WWOX: variants seen among roughly 807,000 people sequenced by gnomAD.
WWOX encodes WW domain containing oxidoreductase.
WWOX carries 69 observed loss-of-function variants against 46.2 expected under a neutral mutation model. The ratio of observed to expected loss-of-function variants is 1.49; its 90% CI spans 1.23 to 1.82. The LOEUF is 1.82. Among genes scored for constraint, WWOX ranks in the 40% most tolerant of loss-of-function variants. The pLI is 0.00. For missense variants in WWOX, 919 were observed against 542.6 expected (o/e 1.69, Z -6.89); for synonymous variants, 359 against 202.6 (o/e 1.77, Z -6.56).
rs55868800 is a variant in WWOX, at chr16:78,183,883, G to A, written c.516+19594G>A. On this transcript the variant is annotated intron_variant, in intron 5 of 8. Transcript: ENST00000566780. Reference sequence around the variant, plus strand: ...TGTTGGATTTTGTAGGATGGTGACCGTTTACAGAAACCTCTGGTCCGTGAG... The same window carrying A: ...TGTTGGATTTTGTAGGATGGTGACCATTTACAGAAACCTCTGGTCCGTGAG... Among the ~76,000 whole-genome samples, 1,284 of 152,278 alleles carry A rather than the reference G, an allele frequency of 8.4e-3. 21 individuals carry two copies. Among genetic ancestry groups the A allele is most frequent in the African/African-American group, 0.029 (1,215 of 41,548 alleles).
intron 8 of WWOX, among the ~76,000 whole-genome samples, chr16:78,531,210 C>G (rs1350348285): frequency 6.6e-6 from 1 of 152,206 alleles, no homozygotes; most frequent in African/African-American, 2.4e-5. Context: ...AGCGTGAATG[C>G]AGACTCTTAC....
chr16:78,797,447 A>G lies in WWOX; in HGVS notation c.1056+364695A>G, dbSNP rs1442946419. On this transcript the variant is annotated intron_variant, in intron 8 of 8. Coordinates refer to ENST00000566780, the MANE Select transcript of WWOX (RefSeq NM_016373.4). ...TTGTAGTCATTTCCCCAAATGCCTA[A>G]AGTAGACCCATTCCCATTGCTCTAA... Among the ~76,000 whole-genome samples, 3 of 151,872 alleles carry G rather than the reference A, an allele frequency of 2.0e-5. No homozygotes were observed. The East Asian group carries it at 5.8e-4, about 29-fold the overall frequency.
At chr16:79,071,230 T>C (rs1388642390) in intron 8 of WWOX, among the ~76,000 whole-genome samples, 1 of 152,238 alleles carries the variant, frequency 6.6e-6, no homozygotes, top group Non-Finnish European at 1.5e-5. Flanking sequence ...ATTGTACTCC[T>C]CTCCTAAGAG....
At chr16:78,234,492 T>C (rs1309748718) in intron 5 of WWOX, among the ~76,000 whole-genome samples, 1 of 152,178 alleles carries the variant, frequency 6.6e-6, no homozygotes, top group Non-Finnish European at 1.5e-5. Context: ...GCTTACAAGT[T>C]ATTCAACAGC....
chr16:78,944,056 C>T (rs1265343168), intron 8 of WWOX, among the ~76,000 whole-genome samples: 1 of 152,102 alleles, frequency 6.6e-6, no homozygotes, highest in East Asian at 1.9e-4. Context: ...AAATCAAGGA[C>T]GTATTGATTT....
chr16:78,819,147 C>CT (rs1206545774), intron 8 of WWOX, among the ~76,000 whole-genome samples: 1 of 152,228 alleles, frequency 6.6e-6, no homozygotes, highest in African/African-American at 2.4e-5. Flanking sequence ...TTGGCCACTG[C>CT]TGTTCAGTTC....
chr16:78,122,388 C>T (rs1284485734), intron 4 of WWOX, among the ~76,000 whole-genome samples: 1 of 151,970 alleles, frequency 6.6e-6, no homozygotes, highest in Non-Finnish European at 1.5e-5. Flanking sequence ...AAATGAGAGT[C>T]ATACAAACTA....
At chr16:78,355,566 C>T (rs1348092310) in intron 5 of WWOX, 2 of 465,678 alleles carry the variant, frequency 4.3e-6, no homozygotes, top group African/African-American at 2.1e-5. Context: ...ACTACCAACA[C>T]TGTGGAGGAT....
intron 8 of WWOX, among the ~76,000 whole-genome samples, chr16:78,512,566 G>A (rs1406010207): frequency 2.0e-5 from 3 of 152,166 alleles, no homozygotes; most frequent in Non-Finnish European, 4.4e-5. Flanking sequence ...ATACTCAAGT[G>A]GAGTGAGTTC....
At chr16:78,368,666 T>G (rs2081594505) in intron 5 of WWOX, among the ~76,000 whole-genome samples, 1 of 152,192 alleles carries the variant, frequency 6.6e-6, no homozygotes, top group Admixed American at 6.5e-5. Context: ...CTAATGGACA[T>G]TTGTAAGGTG....
At chr16:79,107,488 C>G (rs754154206) in intron 8 of WWOX, among the ~76,000 whole-genome samples, 9 of 152,234 alleles carry the variant, frequency 5.9e-5, no homozygotes, top group Admixed American at 2.0e-4. Context: ...TACTCAGGGT[C>G]TGTTGGGCAT....
intron 8 of WWOX, among the ~76,000 whole-genome samples, chr16:78,590,820 G>T (rs1378886199): frequency 6.6e-6 from 1 of 152,196 alleles, no homozygotes; most frequent in African/African-American, 2.4e-5. Flanking sequence ...AGCCTCAAAT[G>T]GGAGGTGTGC....
At chr16:79,097,679 A>G (rs983133677) in intron 8 of WWOX, among the ~76,000 whole-genome samples, 1 of 152,098 alleles carries the variant, frequency 6.6e-6, no homozygotes, top group African/African-American at 2.4e-5. Flanking sequence ...ACGCTGTGCA[A>G]TTTAATTCTG....
intron 4 of WWOX, among the ~76,000 whole-genome samples, chr16:78,140,472 A>G (rs989159353): frequency 2.0e-5 from 3 of 152,156 alleles, no homozygotes; most frequent in Non-Finnish European, 4.4e-5. Context: ...GTCTGAAATC[A>G]AGGTGTTGGT....
chr16:78,606,680 G>A (rs191808649), intron 8 of WWOX, among the ~76,000 whole-genome samples: 35 of 148,336 alleles, frequency 2.4e-4, no homozygotes, highest in African/African-American at 7.7e-4. Flanking sequence ...AAGCCAGCCC[G>A]ATTAGGACGA....
intron 8 of WWOX, among the ~76,000 whole-genome samples, chr16:78,997,155 G>T (rs575115065): frequency 6.6e-6 from 1 of 151,708 alleles, no homozygotes; most frequent in Non-Finnish European, 1.5e-5. Context: ...CCTGGTGAGG[G>T]GGGTGCTATT....
At chr16:78,545,175 C>T (rs2043998724) in intron 8 of WWOX, among the ~76,000 whole-genome samples, 1 of 152,168 alleles carries the variant, frequency 6.6e-6, no homozygotes, top group Non-Finnish European at 1.5e-5. Context: ...ACTGCCCTCC[C>T]ACTGGTACCA....
intron 5 of WWOX, among the ~76,000 whole-genome samples, chr16:78,253,988 G>C (rs1172205954): frequency 6.6e-6 from 1 of 152,146 alleles, no homozygotes; most frequent in Admixed American, 6.5e-5. Context: ...TGCTTACTCA[G>C]AAAATCTGGT....
chr16:78,723,133 G>T (rs992732240), intron 8 of WWOX, among the ~76,000 whole-genome samples: 4 of 152,168 alleles, frequency 2.6e-5, no homozygotes, highest in Admixed American at 2.0e-4. Context: ...AGATCATCCC[G>T]TCAACTGCTG....
Sources: allele counts gnomAD v4.1 joint callset (sites outside exome capture counted in the v4.1 genomes callset), GRCh38; gene constraint gnomAD v4.1.1; transcripts MANE v1.5; gene names NCBI Gene and HGNC (gene_info 2026-07-23, HGNC 2026-07-21).